The following PDXDC1 variants were observed in gnomAD, a reference collection of about 807,000 sequenced individuals.
PDXDC1 encodes the protein pyridoxal dependent decarboxylase domain containing 1.
A neutral mutation model predicts 100.1 loss-of-function variants in PDXDC1; 42 were observed. The ratio of observed to expected loss-of-function variants is 0.42; its 90% confidence interval spans 0.33 to 0.54. PDXDC1 has a LOEUF of 0.54. Ranked by LOEUF, PDXDC1 falls within the 20% of genes least tolerant of loss-of-function variation. The pLI, the probability that PDXDC1 is intolerant of heterozygous loss-of-function variation, is 0.10. For synonymous variants in PDXDC1, 260 were observed against 371.7 expected (o/e 0.70, Z 3.46); for missense variants, 636 against 979.2 (o/e 0.65, Z 4.68).
At chr16:15,063,207 G>A in intron 16 of PDXDC1, 1 of 1,608,580 alleles carries the variant, frequency 6.2e-7, no homozygotes, top group Non-Finnish European at 8.5e-7. Context: ...TTTTTCATGG[G>A]TTTCTTGAAC....
intron 16 of PDXDC1, chr16:15,048,225 G>A: frequency 1.6e-6 from 1 of 638,150 alleles, no homozygotes; most frequent in Non-Finnish European, 2.8e-6. Flanking sequence ...GTGTGTTAGT[G>A]GACAGAGAGG....
chr16:15,085,832 A>G, intron 16 of PDXDC1: 1 of 1,287,462 alleles, frequency 7.8e-7, no homozygotes, highest in Admixed American at 2.7e-5. Flanking sequence ...AGTTAGCCCA[A>G]TGATTAATTA....
chr16:15,012,934 G>A (rs2041446077), intron 8 of PDXDC1, among the ~76,000 whole-genome samples: 1 of 152,276 alleles, frequency 6.6e-6, no homozygotes, highest in Non-Finnish European at 1.5e-5. Context: ...CACTTTGGGA[G>A]GCCGAGGCGG....
At chr16:15,035,896 C>T (rs2043409903) in intron 22 of PDXDC1, 120 bp from the exon 23 acceptor site, 4 of 1,068,386 alleles carry the variant, frequency 3.7e-6, no homozygotes, top group African/African-American at 1.6e-5. Context: ...ACCTCAGAGC[C>T]AGTAAAGGTT....
At chr16:14,980,024 G>A (rs1967605566) in intron 1 of PDXDC1, among the ~76,000 whole-genome samples, 1 of 152,298 alleles carries the variant, frequency 6.6e-6, no homozygotes, top group African/African-American at 2.4e-5. Context: ...GCATACAGAT[G>A]CATGGTGGCT....
chr16:15,137,804 G>T (rs946247421), intron 16 of PDXDC1: 1 of 1,583,430 alleles, frequency 6.3e-7, no homozygotes, highest in African/African-American at 1.3e-5. Context: ...GCCAGCCAGG[G>T]AGTCAGGCCC....
intron 1 of PDXDC1, among the ~76,000 whole-genome samples, chr16:14,995,183 T>G (rs1280612055): frequency 6.6e-6 from 1 of 152,288 alleles, no homozygotes; most frequent in Non-Finnish European, 1.5e-5. Context: ...CCGTGTTGAA[T>G]AGGAGTGGTG....
chr16:15,111,975 T>C (rs2047086283), intron 16 of PDXDC1, among the ~76,000 whole-genome samples: 1 of 147,854 alleles, frequency 6.8e-6, no homozygotes, highest in South Asian at 2.2e-4. Context: ...CACTGGAGCA[T>C]CTTTCTTCTG....
chr16:15,122,372 G>C (rs1444941362), intron 16 of PDXDC1, among the ~76,000 whole-genome samples: 1 of 145,986 alleles, frequency 6.8e-6, no homozygotes, highest in African/African-American at 2.6e-5. Flanking sequence ...CACCAGGCCC[G>C]ACTAATCTTT....
intron 8 of PDXDC1, among the ~76,000 whole-genome samples, chr16:15,013,540 T>C (rs1394549326): frequency 6.6e-6 from 1 of 152,238 alleles, no homozygotes; most frequent in African/African-American, 2.4e-5. Context: ...TCAAAACTCA[T>C]TGGACCGTAT....
At chr16:14,997,895 T>G in intron 2 of PDXDC1, 69 bp downstream of exon 2, 1 of 1,526,782 alleles carries the variant, frequency 6.5e-7, no homozygotes, top group Non-Finnish European at 8.9e-7. Flanking sequence ...TCTGGGTCCT[T>G]TCTGTTAAAG....
rs1264667603 is a variant in PDXDC1 at position 15,051,755 on chromosome 16, C to T, written c.1399+21699C>T. On this transcript the variant is annotated intron_variant, in intron 16 of 16. Transcript: ENST00000535621. The stretch of plus-strand genomic sequence containing the variant: ...TCACTCTGTTGCCCAGGCTGAAGTG[C>T]TGTGGCCAGATCATAGCTCACTGCA... 3.5e-5 allele frequency among the ~76,000 whole-genome samples: 5 copies of T among 140,918 alleles called. No homozygotes were observed. In the Middle Eastern group the frequency reaches 0.013, roughly 368 times the overall value. 92.4% of individuals were successfully genotyped at this position (140,918 alleles called of 152,430 possible).
intron 14 of PDXDC1, among the ~76,000 whole-genome samples, chr16:15,027,755 C>T (rs1305670935): frequency 2.6e-5 from 4 of 152,296 alleles, no homozygotes; most frequent in Non-Finnish European, 5.9e-5. Context: ...TCTTTTTCCA[C>T]CAATGTGTTC....
chr16:15,049,431 CTTAT>C (rs2044211527), intron 16 of PDXDC1, among the ~76,000 whole-genome samples: 1 of 136,560 alleles, frequency 7.3e-6, no homozygotes, highest in African/African-American at 2.6e-5. Flanking sequence ...TTTCTTTTAT[CTTAT>C]TTTTTTTTTT....
chr16:15,061,548 C>G (rs1298165974), intron 16 of PDXDC1: 1 of 471,536 alleles, frequency 2.1e-6, no homozygotes, highest in East Asian at 3.1e-5. Context: ...TTCATTTTGT[C>G]TGTAAGGGGA....
chr16:14,993,732 T>A (rs1335908259), intron 1 of PDXDC1, among the ~76,000 whole-genome samples: 2 of 152,310 alleles, frequency 1.3e-5, no homozygotes, highest in African/African-American at 4.8e-5. Context: ...ACTTCCACAA[T>A]GGTTGAACTA....
In PDXDC1 at chr16:15,135,806, G is replaced by C. The variant is rs1041415392; in HGVS notation, c.1400-3073G>C. The C allele has an allele frequency of 5.7e-5, 86 of 1,500,012 alleles. 3 individuals carry two copies. The Middle Eastern group carries it at 1.4e-3, about 25-fold the overall frequency. The allele number at this position is 1,500,012 out of a possible 1,614,324, so 92.9% of individuals were successfully genotyped here. On this transcript the variant is annotated intron_variant, in intron 16 of 16. Transcript: ENST00000535621. Reference sequence around the variant, plus strand: ...CTCAGTGATGGGCACCAGGCGCTCAGGGGCCACCGTCACATTGGCCTGGAT... The same window carrying C: ...CTCAGTGATGGGCACCAGGCGCTCACGGGCCACCGTCACATTGGCCTGGAT...
chr16:15,137,789 G>A, intron 16 of PDXDC1: 2 of 1,576,122 alleles, frequency 1.3e-6, no homozygotes, highest in South Asian at 1.1e-5. Context: ...GCCAAGCAGA[G>A]GCTGGCCAGC....
chr16:15,036,053 T>A lies in PDXDC1; in HGVS notation c.2145T>A (p.Asp715Glu). Residue 715 changes from aspartate to glutamate, a missense_variant, in exon 23 of 23, where the codon GAT (aspartate) becomes GAA (glutamate). Asp to Glu is a conservative substitution (Grantham distance 45). Transcript: ENST00000396410. ...KPFKRSLRGS[D>E]ALSETSSVSH... ...TTAAAAGGTCCCTGCGAGGTTCAGA[T>A]GCTTTGAGTGAGACCAGCTCAGTCA... The A allele has an allele frequency of 5.6e-6, 9 of 1,614,172 alleles. No homozygotes were observed. The highest frequency in any genetic ancestry group is 5.9e-6 in the Non-Finnish European group (7 of 1,180,024).
Sources: gnomAD v4.1 joint callset for allele counts (sites outside exome capture counted in the v4.1 genomes callset) on GRCh38, gnomAD v4.1.1 for gene constraint, MANE v1.5 for transcripts, NCBI Gene and HGNC (gene_info 2026-07-23, HGNC 2026-07-21) for gene names.